The following XYLT1 variants were observed in gnomAD, a reference collection of about 807,000 sequenced individuals.
XYLT1 encodes the protein xylosyltransferase 1, also known as beta-D-xylosyltransferase 1.
A neutral mutation model predicts 91.3 loss-of-function variants in XYLT1; 36 were observed. That is an observed-to-expected ratio of 0.39 (90% confidence interval 0.30 to 0.52). The LOEUF (loss-of-function observed/expected upper bound fraction) is 0.52. Among genes scored for constraint, XYLT1 ranks in the 20% least tolerant of loss-of-function variants. The pLI, the probability that XYLT1 is intolerant of heterozygous loss-of-function variation, is 0.68. For missense variants in XYLT1, 1,242 were observed against 1,284.5 expected (o/e 0.97, Z 0.51); for synonymous variants, 588 against 532.0 (o/e 1.11, Z -1.45).
At chr16:17,222,196 A>G (rs1436710303) in intron 3 of XYLT1, among the ~76,000 whole-genome samples, 1 of 152,192 alleles carries the variant, frequency 6.6e-6, no homozygotes, top group Non-Finnish European at 1.5e-5. Context: ...AGGAACATTT[A>G]TATTTTATGT....
intron 3 of XYLT1, among the ~76,000 whole-genome samples, chr16:17,246,978 T>C (rs1302901541): frequency 1.3e-5 from 2 of 152,110 alleles, no homozygotes; most frequent in Non-Finnish European, 2.9e-5. Flanking sequence ...AGGTGCAGTG[T>C]GGGGAGACAG....
At chr16:17,132,466 T>A (rs1426645639) in intron 9 of XYLT1, among the ~76,000 whole-genome samples, 4 of 148,198 alleles carry the variant, frequency 2.7e-5, no homozygotes, top group Middle Eastern at 3.2e-3. Context: ...GCAGGTTCAC[T>A]GTTGGCTGCA....
intron 2 of XYLT1, among the ~76,000 whole-genome samples, chr16:17,325,849 A>T (rs2034792962): frequency 6.6e-6 from 1 of 152,202 alleles, no homozygotes; most frequent in Non-Finnish European, 1.5e-5. Flanking sequence ...CTGTTAGATG[A>T]TTATTAAATT....
intron 2 of XYLT1, among the ~76,000 whole-genome samples, chr16:17,344,231 C>T (rs1456446086): frequency 6.6e-6 from 1 of 151,748 alleles, no homozygotes; most frequent in Non-Finnish European, 1.5e-5. Context: ...GCCTGTAATC[C>T]CAGCACTTTG....
At chr16:17,139,911 C>T (rs2030911342) in intron 7 of XYLT1, among the ~76,000 whole-genome samples, 1 of 152,228 alleles carries the variant, frequency 6.6e-6, no homozygotes, top group South Asian at 2.1e-4. Context: ...CGGAGCTTGG[C>T]ACTGCCCCAG....
intron 10 of XYLT1, among the ~76,000 whole-genome samples, chr16:17,126,237 A>G (rs1161213708): frequency 6.6e-6 from 1 of 152,230 alleles, no homozygotes; most frequent in Non-Finnish European, 1.5e-5. Context: ...TGGAGCGGCC[A>G]ACATCATTTG....
chr16:17,252,187 T>C (rs1322869509), intron 3 of XYLT1, among the ~76,000 whole-genome samples: 7 of 152,178 alleles, frequency 4.6e-5, no homozygotes, highest in Non-Finnish European at 1.0e-4. Flanking sequence ...ACTTCCCCAG[T>C]GCACTCAGCA....
At chr16:17,247,787 G>A (rs963007912) in intron 3 of XYLT1, among the ~76,000 whole-genome samples, 3 of 152,204 alleles carry the variant, frequency 2.0e-5, no homozygotes, top group Non-Finnish European at 2.9e-5. Flanking sequence ...TGGAGGCACT[G>A]AGGATTTCCT....
chr16:17,197,380 C>T (rs1361872733), intron 5 of XYLT1, among the ~76,000 whole-genome samples: 1 of 152,046 alleles, frequency 6.6e-6, no homozygotes. Context: ...CTACTTTTGC[C>T]CCTTACTTTA....
Position 17,259,514 on chromosome 16 carries a change from G to T in XYLT1, c.403-16C>A. The T allele has an allele frequency of 6.3e-7, 1 of 1,598,582 alleles. No homozygotes were observed. Among genetic ancestry groups the T allele is most frequent in the South Asian group, 1.1e-5 (1 of 90,868 alleles). On this transcript the variant is annotated splice_polypyrimidine_tract_variant and intron_variant, in intron 2 of 11. Coordinates refer to ENST00000261381, the MANE Select transcript of XYLT1 (RefSeq NM_022166.4). ...AGTAGCCATCCTGGAGAAGAGGGGA[G>T]AGAAACAGAAGAGAAACTTGACTGA... is the stretch of plus-strand genomic sequence containing the variant.
At chr16:17,327,013 G>A (rs1344997744) in intron 2 of XYLT1, among the ~76,000 whole-genome samples, 2 of 152,126 alleles carry the variant, frequency 1.3e-5, no homozygotes, top group Non-Finnish European at 2.9e-5. Flanking sequence ...AGAAGGCCAA[G>A]GACAAACACC....
At chr16:17,375,113 A>T (rs2035581588) in intron 1 of XYLT1, among the ~76,000 whole-genome samples, 1 of 152,212 alleles carries the variant, frequency 6.6e-6, no homozygotes, top group African/African-American at 2.4e-5. Context: ...AATGTCACAC[A>T]GCAGGTAAGG....
intron 1 of XYLT1, among the ~76,000 whole-genome samples, chr16:17,420,648 T>C (rs1467815112): frequency 6.6e-6 from 1 of 151,622 alleles, no homozygotes; most frequent in Admixed American, 6.6e-5. Context: ...TTGTGAAGTT[T>C]AGCACTATCC....
At chr16:17,310,881 G>A (rs546018593) in intron 2 of XYLT1, among the ~76,000 whole-genome samples, 15 of 152,238 alleles carry the variant, frequency 9.9e-5, no homozygotes, top group South Asian at 4.1e-4. Context: ...AGAAGGAAGA[G>A]AGAGCTTTGT....
intron 1 of XYLT1, among the ~76,000 whole-genome samples, chr16:17,359,456 G>GT (rs563058059): frequency 6.6e-6 from 1 of 152,176 alleles, no homozygotes; most frequent in Non-Finnish European, 1.5e-5. Flanking sequence ...TCTGAGGAGT[G>GT]TAAGAGGCAC....
chr16:17,185,080 C>T (rs2032154666), intron 5 of XYLT1, among the ~76,000 whole-genome samples: 1 of 152,158 alleles, frequency 6.6e-6, no homozygotes, highest in African/African-American at 2.4e-5. Context: ...TCTAGGCTCA[C>T]TCTGTTTGTC....
At chr16:17,421,402 G>A (rs147215889) in intron 1 of XYLT1, among the ~76,000 whole-genome samples, 8 of 152,222 alleles carry the variant, frequency 5.3e-5, no homozygotes, top group East Asian at 1.9e-4. Flanking sequence ...TATTTTTCCC[G>A]TCCTTAGAAT....
At chr16:17,315,451 CCTAA>C (rs1217824730) in intron 2 of XYLT1, among the ~76,000 whole-genome samples, 18 of 152,338 alleles carry the variant, frequency 1.2e-4, no homozygotes, top group Non-Finnish European at 1.6e-4. Context: ...TTCTCGCTCC[CCTAA>C]CTCTCAATTC....
chr16:17,320,543 G>A lies in XYLT1; in HGVS notation c.402+37469C>T, dbSNP rs184248016. ...TCACCAGGCTGCAGTGCAGTGGTGC[G>A]ATATCGGCTCACTGCAACCTCCGCC... On this transcript the variant is annotated intron_variant, in intron 2 of 11. Transcript: ENST00000261381. Among the ~76,000 whole-genome samples, 705 of 149,276 alleles carry A rather than the reference G, an allele frequency of 4.7e-3. 5 individuals are homozygous for A. The highest frequency in any genetic ancestry group is 8.3e-3 in the Admixed American group (124 of 14,878).
Sources: allele counts gnomAD v4.1 joint callset (sites outside exome capture counted in the v4.1 genomes callset), GRCh38; gene constraint gnomAD v4.1.1; transcripts MANE v1.5; gene names NCBI Gene and HGNC (gene_info 2026-07-23, HGNC 2026-07-21).